The following SGSM3 variants were observed in gnomAD, a reference collection of about 807,000 sequenced individuals.
The protein encoded by SGSM3 is RUN and SH3 containing 3.
Under a neutral mutation model 100.5 loss-of-function variants are expected in SGSM3, and 96 were observed. That is an observed-to-expected ratio of 0.96 (90% CI 0.81 to 1.13). SGSM3 has a LOEUF of 1.13. Among genes scored for constraint, SGSM3 ranks in the 50% most tolerant of loss-of-function variants. The pLI is 0.00. For synonymous variants in SGSM3, 483 were observed against 422.8 expected, an observed-to-expected ratio of 1.14 and a Z score of -1.75; for missense variants, 1,001 against 1,015.8, an observed-to-expected ratio of 0.99 and a Z score of 0.20.
chr22:40,375,061 A>C (rs1490377129), intron 1 of SGSM3, among the ~76,000 whole-genome samples: 1 of 152,222 alleles, frequency 6.6e-6, no homozygotes. Flanking sequence ...CCATTTATAC[A>C]TGAGGAGAGA....
At chr22:40,381,362 T>G (rs1224747384) in intron 1 of SGSM3, among the ~76,000 whole-genome samples, 1 of 152,164 alleles carries the variant, frequency 6.6e-6, no homozygotes, top group Admixed American at 6.5e-5. Flanking sequence ...TTGCCGAGGC[T>G]GGTCTCAAAC....
At chr22:40,389,919 A>C (rs906962262) in intron 1 of SGSM3, among the ~76,000 whole-genome samples, 5 of 150,768 alleles carry the variant, frequency 3.3e-5, no homozygotes, top group South Asian at 2.1e-4. Flanking sequence ...AAAAAAAGAA[A>C]AAAAAAAAAA....
chr22:40,392,131 A>T (rs1005167709), intron 1 of SGSM3, among the ~76,000 whole-genome samples: 2 of 152,192 alleles, frequency 1.3e-5, no homozygotes, highest in Non-Finnish European at 2.9e-5. Context: ...CCATGTGAAG[A>T]GGGACACCTG....
intron 1 of SGSM3, among the ~76,000 whole-genome samples, chr22:40,389,916 G>GAAAAAAAAAAAAAAAA (rs34606137): frequency 1.9e-5 from 2 of 104,960 alleles, no homozygotes; most frequent in Non-Finnish European, 4.0e-5. Flanking sequence ...AAAAAAAAAA[G>GAAAAAAAAAAAAAAAA]AAAAAAAAAA....
chr22:40,407,627 TCCA>T lies in SGSM3; in HGVS notation c.1524+63_1524+65del. 6.3e-7 allele frequency: 1 copy of T among 1,581,440 alleles called. No individual in the cohort carries two copies. Among genetic ancestry groups the T allele is most frequent in the Non-Finnish European group, 8.6e-7 (1 of 1,165,998 alleles). ...GCTGTGGCGGGTTCCCCAGACTCCCTCCACCAAGCCCCACCCCAACCCCTTTCC... is the reference window on the plus strand; with the variant it reads ...GCTGTGGCGGGTTCCCCAGACTCCCTCCAAGCCCCACCCCAACCCCTTTCC... On this transcript the variant is annotated intron_variant, in intron 13 of 21. Coordinates refer to ENST00000248929, the MANE Select transcript of SGSM3 (RefSeq NM_015705.6). The surrounding 1 kb of genome is among the most constrained non-coding windows in gnomAD (Gnocchi z 4.7).
rs545087837 is a variant in SGSM3 at position 40,405,541 on chromosome 22, C to T, written c.619-108C>T. ...CAGGGAAGGCCTGGGTTCCAGCATG[C>T]GTGCCCCCCAAGAGGCTTTTGCTAA... On this transcript the variant is annotated intron_variant, in intron 7 of 21. Coordinates refer to ENST00000248929, the MANE Select transcript of SGSM3 (RefSeq NM_015705.6). 1.3e-4 allele frequency: 140 copies of T among 1,056,382 alleles called. 1 individual carries two copies. In the South Asian group the frequency reaches 1.6e-3, roughly 12 times the overall value. 65.4% of individuals were successfully genotyped at this position (1,056,382 alleles called of 1,614,324 possible). A position where few individuals can be genotyped will look rare whatever the true frequency, so the allele number is the denominator to read the frequency against.
In SGSM3 at chr22:40,407,798, C is replaced by T. The variant is rs2051826229; in HGVS notation, c.1534C>T (p.Gln512Ter). 9.3e-6 allele frequency: 15 copies of T among 1,613,870 alleles called. No individual in the cohort carries two copies. Among genetic ancestry groups the T allele is most frequent in the Non-Finnish European group, 1.3e-5 (15 of 1,180,010 alleles). ...TTTTCCTCCTGTGCAGATCGTGTCT[C>T]AGAAGGACGAGCACTGCTGGGTGGG... ...RKNDIITIVSQKDEHCWVGEL... is the reference protein window; with the variant it reads ...RKNDIITIVS The change falls in exon 14 of 22, where the codon CAG (glutamine) becomes TAG (stop). Residue 512 changes from glutamine to a stop codon, truncating the protein, a stop_gained. Transcript: ENST00000248929. LOFTEE classifies it high-confidence loss of function. This position sits in a 1 kb window ranked among gnomAD's most constrained non-coding sequence, Gnocchi z 4.7.
At chr22:40,379,779 A>T (rs1569141478) in intron 1 of SGSM3, among the ~76,000 whole-genome samples, 1 of 151,578 alleles carries the variant, frequency 6.6e-6, no homozygotes, top group African/African-American at 2.4e-5. Flanking sequence ...CACAATCTCC[A>T]CTCACTGCAA....
chr22:40,371,846 G>A (rs2045558983), intron 1 of SGSM3, among the ~76,000 whole-genome samples: 1 of 151,790 alleles, frequency 6.6e-6, no homozygotes, highest in South Asian at 2.1e-4. Flanking sequence ...ACAGGCGCCC[G>A]CCACCACGCC....
intron 1 of SGSM3, among the ~76,000 whole-genome samples, chr22:40,381,411 A>G (rs924086511): frequency 6.6e-6 from 1 of 152,180 alleles, no homozygotes; most frequent in South Asian, 2.1e-4. Context: ...GGCCTTCCAA[A>G]GTGCTGGGAT....
intron 4 of SGSM3, 96 bp from the exon 5 acceptor site, chr22:40,404,151 A>G (rs1378651528): frequency 2.8e-6 from 3 of 1,058,296 alleles, no homozygotes; most frequent in African/African-American, 3.2e-5. Flanking sequence ...GCCTAGAGCC[A>G]TGAAGCTCAG....
Position 40,406,528 on chromosome 22 carries a change from C to G in SGSM3, c.1051C>G (p.Leu351Val). The stretch of plus-strand genomic sequence containing the variant: ...GCAGATGGAGGACGCGGAGCTGCTT[C>G]TGGGGGTGGCCATGCGGCTGGCCGG... ...PSQMEDAELL[L>V]GVAMRLAGSL... The change falls in exon 10 of 22, where the codon CTG becomes GTG. Residue 351 changes from leucine to valine, a missense_variant. Physicochemically the swap from Leu to Val is conservative, Grantham distance 32 (BLOSUM62 1). Transcript: ENST00000248929. 1 of 1,613,116 alleles carries G rather than the reference C, an allele frequency of 6.2e-7. No individual in the cohort carries two copies. Among genetic ancestry groups the G allele is most frequent in the Non-Finnish European group, 8.5e-7 (1 of 1,179,924 alleles).
intron 2 of SGSM3, among the ~76,000 whole-genome samples, chr22:40,401,310 A>G (rs1468659705): frequency 6.6e-6 from 1 of 151,734 alleles, no homozygotes; most frequent in Non-Finnish European, 1.5e-5. Context: ...CTGGAGCGCA[A>G]TGGCACGATC....
intron 8 of SGSM3, 106 bp from the exon 9 acceptor site, chr22:40,405,972 G>A: frequency 6.7e-7 from 1 of 1,502,980 alleles, no homozygotes; most frequent in Non-Finnish European, 9.1e-7. Flanking sequence ...GGTGTTCCCT[G>A]CCCCCTCCCC....
intron 1 of SGSM3, among the ~76,000 whole-genome samples, chr22:40,384,908 T>C (rs1432836888): frequency 6.6e-6 from 1 of 152,218 alleles, no homozygotes; most frequent in African/African-American, 2.4e-5. Flanking sequence ...ATGACAGTAA[T>C]AGCTAAATCC....
rs781642937 is a variant in SGSM3 at position 40,407,839 on chromosome 22, G to A, written c.1575G>A (p.Leu525=). Residue 525 remains leucine, a synonymous_variant, in exon 14 of 22, where the codon CTG becomes CTA. Transcript: ENST00000248929. This position sits in a 1 kb window ranked among gnomAD's most constrained non-coding sequence, Gnocchi z 4.7. ...EHCWVGELNG[L]RGWFPAKFVE... Reference sequence around the variant, plus strand: ...GCTGGGTGGGGGAGCTCAACGGCCTGCGAGGTGGGGTCCTTGGTCTGCTCT... The same window carrying A: ...GCTGGGTGGGGGAGCTCAACGGCCTACGAGGTGGGGTCCTTGGTCTGCTCT... 2 of 1,611,814 alleles carry A rather than the reference G, an allele frequency of 1.2e-6. No homozygotes were observed. Among genetic ancestry groups the A allele is most frequent in the Non-Finnish European group, 1.7e-6 (2 of 1,178,936 alleles).
chr22:40,389,295 G>C (rs2048974311), intron 1 of SGSM3, among the ~76,000 whole-genome samples: 2 of 152,164 alleles, frequency 1.3e-5, no homozygotes, highest in African/African-American at 4.8e-5. Flanking sequence ...TGAGTGGTCA[G>C]GTGTGGTAAG....
chr22:40,407,766 C>G lies in SGSM3; in HGVS notation c.1525-23C>G. On this transcript the variant is annotated intron_variant, in intron 13 of 21. Coordinates refer to ENST00000248929, the MANE Select transcript of SGSM3 (RefSeq NM_015705.6). This position sits in a 1 kb window ranked among gnomAD's most constrained non-coding sequence, Gnocchi z 4.7. Reference sequence around the variant, plus strand: ...GGCCCAGGGCACCCAGCTTTGGTTCCTGCTGTTTTTCCTCCTGTGCAGATC... The same window carrying G: ...GGCCCAGGGCACCCAGCTTTGGTTCGTGCTGTTTTTCCTCCTGTGCAGATC... The G allele has an allele frequency of 6.2e-7, 1 of 1,614,016 alleles. No individual in the cohort carries two copies. The highest frequency in any genetic ancestry group is 1.7e-5 in the Admixed American group (1 of 60,024).
Position 40,408,685 on chromosome 22 carries a change from G to A in SGSM3, c.1841G>A (p.Cys614Tyr). ...TCCGTGTATTCCCGTCTGGTGCTCT[G>A]TAAGACCTTCAGGTAACTCGGCCCG... ...FASVYSRLVL[C>Y]KTFRLDEDGK... is the part of the protein sequence containing the mutation. The change falls in exon 17 of 22, where the codon TGT becomes TAT. Residue 614 changes from cysteine (C) to tyrosine (Y), a missense_variant. Transcript: ENST00000248929. 9 of 1,614,046 alleles carry A rather than the reference G, an allele frequency of 5.6e-6. No homozygotes were observed. The highest frequency in any genetic ancestry group is 6.8e-6 in the Non-Finnish European group (8 of 1,180,026).
Sources: allele counts gnomAD v4.1 joint callset (sites outside exome capture counted in the v4.1 genomes callset), GRCh38; gene constraint gnomAD v4.1.1; non-coding constraint Gnocchi (gnomAD v3.1); transcripts MANE v1.5; gene names NCBI Gene and HGNC (gene_info 2026-07-23, HGNC 2026-07-21).